Variants in DHX34 observed in about 807,000 individuals in gnomAD.
DHX34 encodes the protein probable ATP-dependent RNA helicase DHX34.
DHX34 carries 96 observed loss-of-function variants against 111.1 expected under a neutral mutation model. The observed-to-expected ratio is 0.86, with a 90% CI of 0.73 to 1.02. The LOEUF (loss-of-function observed/expected upper bound fraction) is 1.02, where lower values mean the gene tolerates loss of function less well. Among genes scored for constraint, DHX34 ranks in the 50% least tolerant of loss-of-function variants. The pLI is 0.00. For missense variants in DHX34, 1,560 were observed against 1,579.9 expected (o/e 0.99, Z 0.21); for synonymous variants, 688 against 670.4 (o/e 1.03, Z -0.41).
At chr19:47,379,525 G>T in intron 13 of DHX34, 185 bp from the exon 14 acceptor site, 1 of 957,736 alleles carries the variant, frequency 1.0e-6, no homozygotes, top group Non-Finnish European at 1.2e-6. Context: ...CTCAGCGGCT[G>T]CCTTGTTCAT....
rs1459217674 is a variant in DHX34, at chr19:47,349,343, G to A, written c.-287G>A. 6.6e-6 allele frequency: 1 copy of A among 152,524 alleles called. No homozygotes were observed. The highest frequency in any genetic ancestry group is 2.4e-5 in the African/African-American group (1 of 41,448). The allele number at this position is 152,524 out of a possible 1,614,324, so 9.4% of individuals were successfully genotyped here. A position where few individuals can be genotyped will look rare whatever the true frequency, so the allele number is the denominator to read the frequency against. On this transcript the variant is annotated 5_prime_UTR_variant, in exon 1 of 17. Coordinates refer to ENST00000328771, the MANE Select transcript of DHX34 (RefSeq NM_014681.6). ...CTTGGGACCGGAAGTTAAGGCGTTC[G>A]CGGCGTGTGGTAAGTGAGGGGGGCG...
At chr19:47,376,660 C>T in intron 12 of DHX34, 100 bp downstream of exon 12, 2 of 1,489,058 alleles carry the variant, frequency 1.3e-6, no homozygotes, top group East Asian at 4.9e-5. Flanking sequence ...CACACCGGCC[C>T]AGGCTGGTAT....
At chr19:47,363,710 T>C (rs2547387) in intron 6 of DHX34, among the ~76,000 whole-genome samples, 16,353 of 150,056 alleles carry the variant, frequency 0.11, 1,299 homozygotes, top group African/African-American at 0.22. Context: ...CCCGGCTATT[T>C]GGGAGGCTGA....
At chr19:47,370,896 ACTC>A (rs1465740223) in intron 7 of DHX34, among the ~76,000 whole-genome samples, 1 of 151,314 alleles carries the variant, frequency 6.6e-6, no homozygotes, top group Non-Finnish European at 1.5e-5. Flanking sequence ...CTAGTCTTGA[ACTC>A]CTGACCTCAA....
chr19:47,358,597 T>C (rs1969532567), intron 4 of DHX34, among the ~76,000 whole-genome samples: 1 of 151,560 alleles, frequency 6.6e-6, no homozygotes, highest in South Asian at 2.1e-4. Flanking sequence ...ACTATAGGTG[T>C]GTGTCACTAA....
chr19:47,362,123 C>T (rs780803795), intron 5 of DHX34, among the ~76,000 whole-genome samples: 2 of 151,650 alleles, frequency 1.3e-5, no homozygotes, highest in African/African-American at 2.4e-5. Flanking sequence ...AAAAATTAGC[C>T]GGGTGTGTTG....
chr19:47,369,199 G>A (rs891409020), intron 7 of DHX34, among the ~76,000 whole-genome samples: 1 of 152,134 alleles, frequency 6.6e-6, no homozygotes. Context: ...TTTCAGTAGA[G>A]AAGGAGTTTC....
rs1276969973 is a variant in DHX34, at chr19:47,355,018, CCTTT to C, written c.706-14_706-11del. 9.9e-6 allele frequency: 16 copies of C among 1,610,906 alleles called. No individual in the cohort carries two copies. Among genetic ancestry groups the C allele is most frequent in the Non-Finnish European group, 1.4e-5 (16 of 1,177,910 alleles). ...CCCAGGCTCAGGGTCCTCTCCTGATCCTTTCTTTCTCCCACCCCAGGTCGGCTAC... is the reference window on the plus strand; with the variant it reads ...CCCAGGCTCAGGGTCCTCTCCTGATCCTTTCTCCCACCCCAGGTCGGCTAC... On this transcript the variant is annotated splice_polypyrimidine_tract_variant and intron_variant, in intron 2 of 16. Coordinates refer to ENST00000328771, the MANE Select transcript of DHX34 (RefSeq NM_014681.6).
At chr19:47,380,239 C>T (rs1179647589) in intron 14 of DHX34, among the ~76,000 whole-genome samples, 1 of 152,162 alleles carries the variant, frequency 6.6e-6, no homozygotes, top group Admixed American at 6.5e-5. Context: ...CTTCTGCAAG[C>T]GTGGCTGATC....
intron 7 of DHX34, among the ~76,000 whole-genome samples, chr19:47,369,156 A>G (rs541796155): frequency 5.3e-5 from 8 of 151,562 alleles, no homozygotes; most frequent in Non-Finnish European, 1.2e-4. Flanking sequence ...GGGATTGCAG[A>G]CTTGAGCCAC....
Position 47,362,653 on chromosome 19 carries a change from C to T in DHX34, c.1553C>T (p.Pro518Leu), listed in dbSNP as rs1353530102. ...DYDAFAPYPV[P>L]EIRRVALDSL... ...GATGCCTTCGCCCCCTACCCCGTCCCAGAAATTCGGAGGGTGGCCCTGGAC... is the reference window on the plus strand; with the variant it reads ...GATGCCTTCGCCCCCTACCCCGTCCTAGAAATTCGGAGGGTGGCCCTGGAC... Residue 518 changes from proline (P) to leucine (L), a missense_variant, in exon 6 of 17, where the codon CCA becomes CTA. Pro to Leu is a moderately conservative substitution (Grantham distance 98). Transcript: ENST00000328771. 3 of 1,613,356 alleles carry T rather than the reference C, an allele frequency of 1.9e-6. No individual in the cohort carries two copies. The highest frequency in any genetic ancestry group is 4.5e-5 in the East Asian group (2 of 44,836).
rs1249555690 is a variant in DHX34 at position 47,371,420 on chromosome 19, C to T, written c.1769-1310C>T. ...AAACACAAAGCATCCTCTTGGCAGC[C>T]TGAGGAGAGGCCAATGCTGTTGTTC... On this transcript the variant is annotated intron_variant, in intron 7 of 16. Transcript: ENST00000328771. 3.9e-5 allele frequency among the ~76,000 whole-genome samples: 6 copies of T among 152,320 alleles called. No homozygotes were observed. The East Asian group carries it at 1.2e-3, about 29-fold the overall frequency.
In DHX34 at chr19:47,375,937, A is replaced by T. The variant is rs750165765; in HGVS notation, c.2321A>T (p.Lys774Met). 1.0e-5 allele frequency: 16 copies of T among 1,601,724 alleles called. No individual in the cohort carries two copies. Among genetic ancestry groups the T allele is most frequent in the Non-Finnish European group, 1.4e-5 (16 of 1,177,120 alleles). The change falls in exon 11 of 17, where the codon AAG becomes ATG. Residue 774 changes from lysine (K) to methionine (M), a missense_variant. Transcript: ENST00000328771. ...TGCTCCCCCCAGGATGTGAAGTTCA[A>T]GCTTCGGCATGACCTGGCGCAGCTG... ...DGVDIQDVKFKLRHDLAQLQA... is the reference protein window; with the variant it reads ...DGVDIQDVKFMLRHDLAQLQA...
Position 47,382,515 on chromosome 19 carries a change from A to C in DHX34, c.*402A>C, listed in dbSNP as rs147626832. ...CTCAGTCTCTCCTACCCCTTGAAGT[A>C]GGGGGACCCTGAATTTGCCCATCCA... On this transcript the variant is annotated 3_prime_UTR_variant, in exon 17 of 17. Coordinates refer to ENST00000328771, the MANE Select transcript of DHX34 (RefSeq NM_014681.6). The C allele has an allele frequency of 1.4e-4, 25 of 176,076 alleles. No homozygotes were observed. Among genetic ancestry groups the C allele is most frequent in the African/African-American group, 5.0e-4 (21 of 42,096 alleles). 10.9% of individuals were successfully genotyped at this position (176,076 alleles called of 1,614,324 possible). A position where few individuals can be genotyped will look rare whatever the true frequency, so the allele number is the denominator to read the frequency against.
chr19:47,380,575 C>T (rs1455303131), intron 14 of DHX34: 2 of 966,178 alleles, frequency 2.1e-6, no homozygotes, highest in Admixed American at 6.2e-5. Flanking sequence ...AATGGGGTCC[C>T]ACCAGTGACA....
At chr19:47,361,449 C>T (rs767805868) in intron 5 of DHX34, among the ~76,000 whole-genome samples, 51 of 149,152 alleles carry the variant, frequency 3.4e-4, no homozygotes, top group Non-Finnish European at 5.6e-4. Context: ...CAGAGCGAGA[C>T]CCTGTTTAAA....
chr19:47,372,329 A>G (rs1292211590), intron 7 of DHX34, among the ~76,000 whole-genome samples: 1 of 152,002 alleles, frequency 6.6e-6, no homozygotes, highest in African/African-American at 2.4e-5. Context: ...TCTAGCGCGG[A>G]GGAGAGACGT....
At chr19:47,356,039 C>G (rs190959962) in intron 3 of DHX34, among the ~76,000 whole-genome samples, 2 of 152,110 alleles carry the variant, frequency 1.3e-5, no homozygotes, top group Admixed American at 6.6e-5. Context: ...GCAAGATTGA[C>G]ATTTCAGTCT....
At chr19:47,357,804 C>T in intron 3 of DHX34, 62 bp from the exon 4 acceptor site, 1 of 1,556,362 alleles carries the variant, frequency 6.4e-7, no homozygotes, top group Non-Finnish European at 8.7e-7. Context: ...GCAGCCTCCC[C>T]AGCCCATTGC....
Sources: gnomAD v4.1 joint callset for allele counts (sites outside exome capture counted in the v4.1 genomes callset) on GRCh38, gnomAD v4.1.1 for gene constraint, MANE v1.5 for transcripts, NCBI Gene and HGNC (gene_info 2026-07-23, HGNC 2026-07-21) for gene names.